PPP2R2B: variants seen among roughly 807,000 people sequenced by gnomAD.
PPP2R2B encodes protein phosphatase 2 regulatory subunit Bbeta.
Under a neutral mutation model 46.0 loss-of-function variants are expected in PPP2R2B, and 5 were observed. The observed-to-expected ratio is 0.11, with a 90% CI of 0.06 to 0.23. The LOEUF (loss-of-function observed/expected upper bound fraction) is 0.23. PPP2R2B is among the 10% of genes least tolerant of loss of function. The pLI, the probability that PPP2R2B is intolerant of heterozygous loss-of-function variation, is 1.00. For synonymous variants in PPP2R2B, 215 were observed against 206.7 expected, an observed-to-expected ratio of 1.04 and a Z score of -0.34; for missense variants, 367 against 575.0, an observed-to-expected ratio of 0.64 and a Z score of 3.70.
At chr5:146,940,174 C>T (rs555958061) in intron 1 of PPP2R2B, among the ~76,000 whole-genome samples, 1 of 152,268 alleles carries the variant, frequency 6.6e-6, no homozygotes, top group African/African-American at 2.4e-5. Flanking sequence ...TTTCTTCTTT[C>T]TCTGGATAGC....
At chr5:147,069,015 G>A (rs1301270699) in intron 2 of PPP2R2B, among the ~76,000 whole-genome samples, 1 of 152,098 alleles carries the variant, frequency 6.6e-6, no homozygotes, top group Non-Finnish European at 1.5e-5. Context: ...ATCACCCACA[G>A]TAAAAAATAA....
chr5:146,700,916 C>CT (rs1561843281), intron 3 of PPP2R2B, 129 bp downstream of exon 3: 1 of 814,912 alleles, frequency 1.2e-6, no homozygotes, highest in South Asian at 1.6e-5. Flanking sequence ...ATGTTAATGA[C>CT]TTTTTTGGCA....
chr5:146,846,068 T>C (rs1411160245), intron 2 of PPP2R2B, among the ~76,000 whole-genome samples: 1 of 152,212 alleles, frequency 6.6e-6, no homozygotes, highest in Non-Finnish European at 1.5e-5. Flanking sequence ...TTTGATACAT[T>C]GGATTAAAAT....
intron 5 of PPP2R2B, among the ~76,000 whole-genome samples, chr5:146,670,226 C>G (rs935145213): frequency 1.3e-5 from 2 of 152,028 alleles, no homozygotes; most frequent in African/African-American, 4.8e-5. Context: ...AATTTAAAAA[C>G]AAAATCAGAT....
intron 1 of PPP2R2B, among the ~76,000 whole-genome samples, chr5:146,982,646 T>A (rs1311345669): frequency 6.6e-6 from 1 of 152,218 alleles, no homozygotes. Flanking sequence ...AGTCTCCAAC[T>A]ATAATTATAG....
chr5:146,729,926 C>G (rs1004794959), intron 2 of PPP2R2B, among the ~76,000 whole-genome samples: 1 of 152,232 alleles, frequency 6.6e-6, no homozygotes, highest in Non-Finnish European at 1.5e-5. Flanking sequence ...AGAGTCCCTA[C>G]TGGGGTACTG....
At chr5:146,754,421 A>C (rs1753726183) in intron 2 of PPP2R2B, among the ~76,000 whole-genome samples, 1 of 152,226 alleles carries the variant, frequency 6.6e-6, no homozygotes, top group Non-Finnish European at 1.5e-5. Flanking sequence ...TTGTCATGGA[A>C]AACTAAGATT....
At chr5:146,999,340 T>A (rs1754062563) in intron 1 of PPP2R2B, among the ~76,000 whole-genome samples, 1 of 152,204 alleles carries the variant, frequency 6.6e-6, no homozygotes, top group Non-Finnish European at 1.5e-5. Context: ...ACAGTGACAG[T>A]GAATATTGCA....
rs564775427 is a variant in PPP2R2B at position 146,877,871 on chromosome 5, C to T, written c.70+131G>A. ...CGAGGTGCACTGGGGCTGCCGGGGC[C>T]AGCCGAGCCCCCGCCCCAGCCCTAG... On this transcript the variant is annotated intron_variant, in intron 2 of 9. Transcript: ENST00000394411. 3.9e-4 allele frequency: 436 copies of T among 1,108,656 alleles called. 2 individuals carry two copies. In the East Asian group the frequency reaches 9.1e-3, roughly 23 times the overall value. The allele number at this position is 1,108,656 out of a possible 1,614,324, so 68.7% of individuals were successfully genotyped here. A position where few individuals can be genotyped will look rare whatever the true frequency, so the allele number is the denominator to read the frequency against.
At position 146,599,648 on chromosome 5, in the gene PPP2R2B, CTG is replaced by C. The variant is rs1254739345; in HGVS notation, c.960+641_960+642del. Among the ~76,000 whole-genome samples, 8 of 152,294 alleles carry C rather than the reference CTG, an allele frequency of 5.3e-5. No individual in the cohort carries two copies. The East Asian group carries it at 1.5e-3, about 29-fold the overall frequency. ...TCTTGACACCAGGCCTTTGAACACA[CTG>C]TGTTTTTAATTATTACACTGTAAGT... On this transcript the variant is annotated intron_variant, in intron 8 of 9. Coordinates refer to ENST00000394411, the MANE Select transcript of PPP2R2B (RefSeq NM_181675.4).
intron 1 of PPP2R2B, among the ~76,000 whole-genome samples, chr5:146,936,482 A>AC (rs1436491495): frequency 6.7e-6 from 1 of 149,340 alleles, no homozygotes; most frequent in Non-Finnish European, 1.5e-5. Context: ...AAAAAAAAAA[A>AC]AAACCCTAGA....
Position 146,756,234 on chromosome 5 carries a change from A to G in PPP2R2B, c.71-55092T>C, listed in dbSNP as rs552571221. On this transcript the variant is annotated intron_variant, in intron 2 of 9. Transcript: ENST00000394411. The stretch of plus-strand genomic sequence containing the variant: ...ATAACTAACATTTATAGGGCATTTT[A>G]TACCCTACAAAGTGGGTTACCATTC... 3.9e-4 allele frequency among the ~76,000 whole-genome samples: 60 copies of G among 152,326 alleles called. No homozygotes were observed. The South Asian group carries it at 6.4e-3, about 16-fold the overall frequency.
At chr5:146,745,467 G>T (rs575601732) in intron 2 of PPP2R2B, among the ~76,000 whole-genome samples, 136 of 152,210 alleles carry the variant, frequency 8.9e-4, no homozygotes, top group Non-Finnish European at 1.7e-3. Context: ...CAGCTGTTAA[G>T]TGAAAGACGA....
Position 147,052,857 on chromosome 5 carries a change from C to T in PPP2R2B, c.79+2808G>A, listed in dbSNP as rs1342383421. Among the ~76,000 whole-genome samples, 4 of 151,942 alleles carry T rather than the reference C, an allele frequency of 2.6e-5. No individual in the cohort carries two copies. The South Asian group carries it at 8.4e-4, about 32-fold the overall frequency. On this transcript the variant is annotated intron_variant, in intron 1 of 8. Transcript: ENST00000336640. ...ACTGCTACATGGAGAACCAAATCTC[C>T]TCTAATGTATGAAAAAGCAGGCGTG... is the stretch of plus-strand genomic sequence containing the variant.
At chr5:146,754,133 G>A (rs187795189) in intron 2 of PPP2R2B, among the ~76,000 whole-genome samples, 59 of 152,276 alleles carry the variant, frequency 3.9e-4, no homozygotes, top group African/African-American at 1.4e-3. Context: ...GTCAGATGAA[G>A]GATGATTGGA....
intron 2 of PPP2R2B, among the ~76,000 whole-genome samples, chr5:146,867,651 G>C (rs929961979): frequency 5.3e-5 from 8 of 152,174 alleles, no homozygotes; most frequent in African/African-American, 1.7e-4. Flanking sequence ...GGTGGGCTCT[G>C]ATTCCACCAC....
intron 2 of PPP2R2B, among the ~76,000 whole-genome samples, chr5:146,778,456 T>C (rs960668571): frequency 7.2e-5 from 11 of 152,142 alleles, no homozygotes; most frequent in African/African-American, 2.7e-4. Flanking sequence ...CAACCTCAAA[T>C]ATGCAGCCTA....
chr5:146,680,886 A>AT (rs1452063764), intron 5 of PPP2R2B, among the ~76,000 whole-genome samples: 4 of 152,082 alleles, frequency 2.6e-5, no homozygotes, highest in Non-Finnish European at 4.4e-5. Context: ...AATAAAATAT[A>AT]TTTTTCTGTT....
At chr5:146,799,396 G>T (rs187151346) in intron 2 of PPP2R2B, among the ~76,000 whole-genome samples, 2 of 152,262 alleles carry the variant, frequency 1.3e-5, no homozygotes, top group Admixed American at 1.3e-4. Flanking sequence ...CAGTAAAAGA[G>T]GTGTGAAACC....
Sources: allele counts gnomAD v4.1 joint callset (sites outside exome capture counted in the v4.1 genomes callset), GRCh38; gene constraint gnomAD v4.1.1; transcripts MANE v1.5; gene names NCBI Gene and HGNC (gene_info 2026-07-23, HGNC 2026-07-21).